Variants in SMARCAD1 observed in about 807,000 individuals in gnomAD.
SMARCAD1 encodes SWI/SNF-related matrix-associated actin-dependent regulator of chromatin subfamily A containing DEAD/H box 1.
Under a neutral mutation model 127.1 loss-of-function variants are expected in SMARCAD1, and 25 were observed. The observed-to-expected ratio is 0.20, with a 90% CI of 0.14 to 0.27. SMARCAD1 has a LOEUF of 0.27. Ranked by LOEUF, SMARCAD1 falls within the 10% of genes least tolerant of loss-of-function variation. The pLI, the probability that SMARCAD1 is intolerant of heterozygous loss-of-function variation, is 1.00. For synonymous variants in SMARCAD1, 400 were observed against 396.9 expected (o/e 1.01, Z -0.09); for missense variants, 807 against 1,206.0 (o/e 0.67, Z 4.90).
intron 11 of SMARCAD1, 142 bp from the exon 12 acceptor site, chr4:94,273,475 C>A: frequency 1.5e-6 from 1 of 650,974 alleles, no homozygotes; most frequent in Non-Finnish European, 2.7e-6. Flanking sequence ...GAACTAAGAA[C>A]ATAGTAGAAA....
At chr4:94,287,503 C>T (rs1162955895) in intron 23 of SMARCAD1, among the ~76,000 whole-genome samples, 4 of 152,170 alleles carry the variant, frequency 2.6e-5, no homozygotes, top group African/African-American at 9.7e-5. Flanking sequence ...GTTCCTAGAG[C>T]TTGCCTTAGT....
chr4:94,270,969 G>C, intron 11 of SMARCAD1, 151 bp downstream of exon 11: 2 of 669,574 alleles, frequency 3.0e-6, no homozygotes, highest in Non-Finnish European at 5.4e-6. Flanking sequence ...GTTTTTGATA[G>C]AGTTAGTTCT....
At chr4:94,261,453 T>TA (rs2125941557) in intron 9 of SMARCAD1, among the ~76,000 whole-genome samples, 1 of 152,360 alleles carries the variant, frequency 6.6e-6, no homozygotes, top group Non-Finnish European at 1.5e-5. Context: ...TTCTGGCACA[T>TA]ATCTTCAAAG....
intron 2 of SMARCAD1, among the ~76,000 whole-genome samples, chr4:94,220,229 G>A (rs1042680111): frequency 1.3e-5 from 2 of 151,982 alleles, no homozygotes; most frequent in Non-Finnish European, 2.9e-5. Flanking sequence ...TATTATAAAC[G>A]GCTTTTACTG....
chr4:94,229,574 C>T (rs1053634221), intron 3 of SMARCAD1, among the ~76,000 whole-genome samples: 2 of 152,068 alleles, frequency 1.3e-5, no homozygotes, highest in Admixed American at 1.3e-4. Flanking sequence ...TCTACTTCTC[C>T]TACCTCAAGC....
chr4:94,276,514 A>G lies in SMARCAD1; in HGVS notation c.1944+40A>G, dbSNP rs113394539. 1.9e-3 allele frequency: 3,100 copies of G among 1,606,312 alleles called. 40 individuals are homozygous for G. The African/African-American group carries it at 0.034, about 17-fold the overall frequency. On this transcript the variant is annotated intron_variant, in intron 15 of 23. Coordinates refer to ENST00000354268, the MANE Select transcript of SMARCAD1 (RefSeq NM_020159.5). ...GTAAAGTTTTCCAAATTACTGTAAA[A>G]TTTAGATTACGTAATTTAATATATG...
intron 9 of SMARCAD1, chr4:94,264,453 G>A (rs1751449426): frequency 3.0e-6 from 1 of 329,810 alleles, no homozygotes; most frequent in African/African-American, 2.1e-5. Flanking sequence ...AACAAGTTTG[G>A]GATTATGCAT....
rs1043731374 is a variant in SMARCAD1, at chr4:94,289,903, T to C, written c.*369T>C. On this transcript the variant is annotated 3_prime_UTR_variant, in exon 24 of 24. Coordinates refer to ENST00000354268, the MANE Select transcript of SMARCAD1 (RefSeq NM_020159.5). ...ATATATATTGTCTTTCACTGGATAA[T>C]GTGTGTAGATTTTTACATGTGCCTT... is the stretch of plus-strand genomic sequence containing the variant. 2.0e-5 allele frequency: 9 copies of C among 456,014 alleles called. No homozygotes were observed. Among genetic ancestry groups the C allele is most frequent in the Admixed American group, 1.9e-4 (8 of 42,204 alleles). 28.2% of individuals were successfully genotyped at this position (456,014 alleles called of 1,614,324 possible). A position where few individuals can be genotyped will look rare whatever the true frequency, so the allele number is the denominator to read the frequency against.
At chr4:94,229,821 T>A (rs1419472263) in intron 3 of SMARCAD1, among the ~76,000 whole-genome samples, 1 of 151,580 alleles carries the variant, frequency 6.6e-6, no homozygotes, top group African/African-American at 2.4e-5. Context: ...TTTTAATCAT[T>A]TGTTTACAGT....
intron 2 of SMARCAD1, among the ~76,000 whole-genome samples, chr4:94,221,982 G>A (rs557926910): frequency 2.2e-4 from 34 of 152,272 alleles, no homozygotes; most frequent in Middle Eastern, 3.4e-3. Flanking sequence ...GGAGACATAT[G>A]GGGGGTGTAA....
At chr4:94,210,412 A>G (rs1181120684) in intron 2 of SMARCAD1, among the ~76,000 whole-genome samples, 1 of 152,264 alleles carries the variant, frequency 6.6e-6, no homozygotes, top group Admixed American at 6.5e-5. Context: ...TTAGATATCC[A>G]TTGAAGAACT....
chr4:94,249,618 T>C, intron 6 of SMARCAD1, 36 bp from the exon 7 acceptor site: 2 of 1,099,244 alleles, frequency 1.8e-6, no homozygotes, highest in Non-Finnish European at 2.8e-6. Context: ...TATTGATATC[T>C]CTTAAATTGT....
At chr4:94,262,714 G>A (rs932826645) in intron 9 of SMARCAD1, among the ~76,000 whole-genome samples, 2 of 151,956 alleles carry the variant, frequency 1.3e-5, no homozygotes, top group Non-Finnish European at 2.9e-5. Flanking sequence ...GGAATTACTA[G>A]GTCTTAGATT....
At chr4:94,278,375 A>G (rs1299347209) in intron 16 of SMARCAD1, 47 bp from the exon 17 acceptor site, 1 of 1,474,322 alleles carries the variant, frequency 6.8e-7, no homozygotes. Flanking sequence ...TTATTGCAAT[A>G]ATTTAAGTGA....
chr4:94,260,683 T>C (rs1750831518), intron 9 of SMARCAD1, among the ~76,000 whole-genome samples: 1 of 152,150 alleles, frequency 6.6e-6, no homozygotes, highest in African/African-American at 2.4e-5. Flanking sequence ...TGAGGAAGTA[T>C]CTATAAAAGA....
chr4:94,237,047 C>G (rs114102001), intron 5 of SMARCAD1, 29 bp downstream of exon 5: 2 of 1,579,736 alleles, frequency 1.3e-6, no homozygotes, highest in Non-Finnish European at 1.7e-6. Context: ...TAAGCCATGT[C>G]GATTTATTGT....
In SMARCAD1 at chr4:94,278,654, G is replaced by T; in HGVS notation, c.2217G>T (p.Glu739Asp). ...KQLPPKKDRIELCAMSEKQEQ... is the reference protein window; with the variant it reads ...KQLPPKKDRIDLCAMSEKQEQ... ...TACCCCCCAAGAAAGATCGAATTGA[G>T]TTGTGTGCAATGTCGGAGAAGCAGG... The change falls in exon 18 of 24, where the codon GAG (glutamate) becomes GAT (aspartate). Residue 739 changes from glutamate (E) to aspartate (D), a missense_variant. By Grantham distance (45) the Glu-to-Asp change is conservative (BLOSUM62 2). Around this residue, in one of 8 missense-constraint regions of SMARCAD1, gnomAD observed 148 missense variants for 313.2 expected, o/e 0.47. Coordinates refer to ENST00000354268, the MANE Select transcript of SMARCAD1 (RefSeq NM_020159.5). The T allele has an allele frequency of 1.2e-6, 2 of 1,613,982 alleles. No homozygotes were observed. Among genetic ancestry groups the T allele is most frequent in the Non-Finnish European group, 1.7e-6 (2 of 1,179,984 alleles).
chr4:94,287,825 T>G (rs1755160557), intron 23 of SMARCAD1, among the ~76,000 whole-genome samples: 1 of 152,002 alleles, frequency 6.6e-6, no homozygotes, highest in Non-Finnish European at 1.5e-5. Context: ...CTACATACTT[T>G]TTGAATTTTT....
At chr4:94,249,806 TA>T (rs1445089795) in intron 7 of SMARCAD1, 51 bp downstream of exon 7, 1 of 1,039,002 alleles carries the variant, frequency 9.6e-7, no homozygotes, top group East Asian at 2.4e-5. Flanking sequence ...GTGTTTTTAT[TA>T]TAAAATAGTG....
Sources: gnomAD v4.1 joint callset for allele counts (sites outside exome capture counted in the v4.1 genomes callset) on GRCh38, gnomAD v4.1.1 for gene constraint, gnomAD v4.1.1 regional missense constraint, MANE v1.5 for transcripts, NCBI Gene and HGNC (gene_info 2026-07-23, HGNC 2026-07-21) for gene names.